Variants in WLS observed in about 807,000 individuals in gnomAD.
WLS encodes protein wntless homolog.
In WLS, 23 loss-of-function variants were observed where a neutral mutation model predicts 62.8. The ratio of observed to expected loss-of-function variants is 0.37; its 90% CI spans 0.26 to 0.52. The LOEUF is 0.52. WLS is among the 20% of genes least tolerant of loss of function. The probability of loss-of-function intolerance (pLI) is 0.92; values close to 1 mark genes in which losing one functional copy is unlikely to be tolerated. For missense variants in WLS, 615 were observed against 697.3 expected (o/e 0.88, Z 1.33); for synonymous variants, 246 against 244.1 (o/e 1.01, Z -0.07).
intron 2 of WLS, among the ~76,000 whole-genome samples, chr1:68,170,165 T>TC (rs796677235): frequency 3.5e-5 from 5 of 141,040 alleles, no homozygotes; most frequent in African/African-American, 1.3e-4. Context: ...TATTTCTTTT[T>TC]TTTTTTTTTT....
intron 11 of WLS, among the ~76,000 whole-genome samples, chr1:68,130,664 TAAGAA>T (rs1254088439): frequency 1.3e-5 from 2 of 152,112 alleles, no homozygotes; most frequent in African/African-American, 2.4e-5. Flanking sequence ...AAGAACTGCT[TAAGAA>T]TATGTCTGCC....
chr1:68,186,494 G>A (rs1477412178), intron 2 of WLS: 14 of 386,546 alleles, frequency 3.6e-5, no homozygotes, highest in African/African-American at 6.7e-5. Flanking sequence ...AGACTGCCAC[G>A]AAAAGTTAAA....
chr1:68,153,943 A>G (rs1570903239), intron 4 of WLS, among the ~76,000 whole-genome samples: 2 of 152,172 alleles, frequency 1.3e-5, no homozygotes, highest in Non-Finnish European at 2.9e-5. Context: ...AAAGAAGAAC[A>G]TGGGGCTTTG....
chr1:68,106,716 C>CTGTGTGTGTGTGTGTGTGTGTG (rs59601112), intron 11 of WLS, among the ~76,000 whole-genome samples: 8 of 146,710 alleles, frequency 5.5e-5, no homozygotes, highest in African/African-American at 2.0e-4. Context: ...GTGTTTGTCA[C>CTGTGTGTGTGTGTGTGTGTGTG]TGTGTGTGTG....
In WLS at chr1:68,125,448, A is replaced by G. The variant is rs1557457551; in HGVS notation, c.*778T>C. ...GATTGGATCTACACTTTTGGAGGCT[A>G]TTTGAAGTATCTTATCAAAATAAAA... On this transcript the variant is annotated 3_prime_UTR_variant, in exon 12 of 12. Transcript: ENST00000262348. 1 of 985,344 alleles carries G rather than the reference A, an allele frequency of 1.0e-6. No individual in the cohort carries two copies. The highest frequency in any genetic ancestry group is 1.2e-6 in the Non-Finnish European group (1 of 829,944). 61.0% of individuals were successfully genotyped at this position (985,344 alleles called of 1,614,324 possible).
At chr1:68,108,279 C>A (rs1034442864) in intron 11 of WLS, among the ~76,000 whole-genome samples, 3 of 152,158 alleles carry the variant, frequency 2.0e-5, no homozygotes, top group African/African-American at 7.2e-5. Flanking sequence ...GAAAAGGAAT[C>A]CTGTCTTTTC....
At chr1:68,127,882 G>A (rs2100384456) in intron 11 of WLS, among the ~76,000 whole-genome samples, 1 of 151,474 alleles carries the variant, frequency 6.6e-6, no homozygotes, top group African/African-American at 2.4e-5. Flanking sequence ...CCCACCCACT[G>A]GCCCAGCAGG....
chr1:68,106,139 C>T (rs982008588), intron 11 of WLS, among the ~76,000 whole-genome samples: 2 of 152,046 alleles, frequency 1.3e-5, no homozygotes, highest in African/African-American at 2.4e-5. Flanking sequence ...CAGTAACTCC[C>T]ATAGCAATGC....
At chr1:68,122,837 TGG>T, downstream of WLS, among the ~76,000 whole-genome samples, 1 of 152,304 alleles carries the variant, frequency 6.6e-6, no homozygotes, top group Non-Finnish European at 1.5e-5. Context: ...TACACATCGG[TGG>T]AGAAGGCAGA....
chr1:68,175,822 C>T (rs1346967813), intron 2 of WLS, among the ~76,000 whole-genome samples: 2 of 152,158 alleles, frequency 1.3e-5, no homozygotes, highest in African/African-American at 4.8e-5. Flanking sequence ...CATGACTATA[C>T]AAGGAGAAAA....
At chr1:68,104,844 T>C (rs1451421262) in intron 11 of WLS, among the ~76,000 whole-genome samples, 2 of 152,200 alleles carry the variant, frequency 1.3e-5, no homozygotes, top group East Asian at 3.9e-4. Context: ...GGCTTGAACC[T>C]GGGAGGCCAA....
intron 2 of WLS, among the ~76,000 whole-genome samples, chr1:68,180,448 C>T (rs1453469228): frequency 6.6e-6 from 1 of 152,022 alleles, no homozygotes; most frequent in Non-Finnish European, 1.5e-5. Context: ...GAAACTGAGG[C>T]AGGGCTTGCA....
chr1:68,192,533 C>T (rs1408681491), intron 2 of WLS, among the ~76,000 whole-genome samples: 2 of 151,190 alleles, frequency 1.3e-5, no homozygotes, highest in Non-Finnish European at 2.9e-5. Context: ...GCTGTGATGA[C>T]ACCACTGCAC....
Position 68,159,103 on chromosome 1 carries a change from T to A in WLS, c.504+20A>T, listed in dbSNP as rs1488960633. 6.2e-7 allele frequency: 1 copy of A among 1,612,344 alleles called. No homozygotes were observed. The highest frequency in any genetic ancestry group is 2.2e-5 in the East Asian group (1 of 44,842). ...GAGAACCAAATAAAAACTGTCAGCT[T>A]AGACAGCAAGGGGTCATACCTTGGG... On this transcript the variant is annotated intron_variant, in intron 3 of 11. Transcript: ENST00000262348.
intron 10 of WLS, 198 bp from the exon 11 acceptor site, chr1:68,138,131 G>T (rs1161956690): frequency 3.2e-6 from 2 of 623,302 alleles, no homozygotes; most frequent in Non-Finnish European, 5.5e-6. Flanking sequence ...CTAGCTTTCT[G>T]TCAGGCACAG....
At chr1:68,158,532 G>A (rs549225744) in intron 3 of WLS, among the ~76,000 whole-genome samples, 4 of 151,986 alleles carry the variant, frequency 2.6e-5, no homozygotes, top group South Asian at 2.1e-4. Flanking sequence ...GGGCCAAACC[G>A]GAAGGAGGAG....
chr1:68,162,567 C>T (rs1646993975), intron 2 of WLS: 3 of 1,568,418 alleles, frequency 1.9e-6, no homozygotes, highest in East Asian at 2.2e-5. Context: ...GGATGCTGGC[C>T]GATCCCGAGG....
chr1:68,209,544 C>T (rs1649424499), intron 1 of WLS, among the ~76,000 whole-genome samples: 1 of 152,068 alleles, frequency 6.6e-6, no homozygotes, highest in African/African-American at 2.4e-5. Context: ...TTTGGGAGGC[C>T]GAGGTGGGCG....
At chr1:68,124,549 C>CTCTA (rs937351164), downstream of WLS, among the ~76,000 whole-genome samples, 22 of 150,566 alleles carry the variant, frequency 1.5e-4, no homozygotes, top group African/African-American at 5.4e-4. Flanking sequence ...GAAACGTTCC[C>CTCTA]TCTATCTTCT....
Sources: gnomAD v4.1 joint callset for allele counts (sites outside exome capture counted in the v4.1 genomes callset) on GRCh38, gnomAD v4.1.1 for gene constraint, MANE v1.5 for transcripts, NCBI Gene and HGNC (gene_info 2026-07-23, HGNC 2026-07-21) for gene names.